The following TENM2 variants were observed in gnomAD, a reference collection of about 807,000 sequenced individuals.
TENM2 encodes teneurin transmembrane protein 2, also known as teneurin-2.
TENM2 carries 52 observed loss-of-function variants against 245.2 expected under a neutral mutation model. The observed-to-expected ratio is 0.21, with a 90% CI of 0.17 to 0.27. The LOEUF is 0.27. TENM2 is among the 10% of genes least tolerant of loss of function. The pLI, the probability that TENM2 is intolerant of heterozygous loss-of-function variation, is 1.00. For missense variants in TENM2, 3,046 were observed against 3,666.8 expected (o/e 0.83, Z 4.37); for synonymous variants, 1,363 against 1,438.9 (o/e 0.95, Z 1.19).
In TENM2 at chr5:167,864,911, G is replaced by A. The variant is rs998100413; in HGVS notation, c.503-11075G>A. 3.3e-5 allele frequency among the ~76,000 whole-genome samples: 5 copies of A among 152,242 alleles called. No individual in the cohort carries two copies. The East Asian group carries it at 5.8e-4, about 18-fold the overall frequency. On this transcript the variant is annotated intron_variant, in intron 2 of 28. Transcript: ENST00000518659. Reference sequence around the variant, plus strand: ...TTATTGTTTCTATATACCAGGAACCGCAAGAAGTGAACATAAAAATGAGTA... The same window carrying A: ...TTATTGTTTCTATATACCAGGAACCACAAGAAGTGAACATAAAAATGAGTA...
chr5:167,997,650 A>T (rs1456810621), intron 5 of TENM2, among the ~76,000 whole-genome samples: 2 of 152,324 alleles, frequency 1.3e-5, no homozygotes, highest in East Asian at 1.9e-4. Flanking sequence ...AATTTTAATT[A>T]TGCCCCCTGG....
At chr5:168,009,827 C>T (rs934544285) in intron 5 of TENM2, among the ~76,000 whole-genome samples, 1 of 152,216 alleles carries the variant, frequency 6.6e-6, no homozygotes, top group African/African-American at 2.4e-5. Context: ...GTGGCAGGAG[C>T]TAAGGCTTGG....
intron 2 of TENM2, among the ~76,000 whole-genome samples, chr5:167,455,428 T>G (rs544728070): frequency 1.1e-4 from 16 of 147,516 alleles, no homozygotes; most frequent in Middle Eastern, 7.0e-3. Flanking sequence ...TGGCCTGGAT[T>G]ATCCCCTTGT....
At chr5:167,458,299 C>G (rs1766045007) in intron 2 of TENM2, among the ~76,000 whole-genome samples, 1 of 145,300 alleles carries the variant, frequency 6.9e-6, no homozygotes, top group Non-Finnish European at 1.6e-5. Flanking sequence ...CCAGCTTGGG[C>G]AACATGGTGA....
intron 7 of TENM2, among the ~76,000 whole-genome samples, chr5:168,063,633 C>A (rs1380415773): frequency 1.3e-5 from 2 of 152,142 alleles, no homozygotes; most frequent in East Asian, 3.9e-4. Context: ...AACCCATTGG[C>A]AAATGCAAGG....
chr5:167,458,411 C>T (rs112282742), intron 2 of TENM2, among the ~76,000 whole-genome samples: 4,001 of 146,942 alleles, frequency 0.027, 217 homozygotes, highest in African/African-American at 0.095. Context: ...CCCTTGAACC[C>T]GGGAGGCACA....
At chr5:167,107,484 T>C in the TENM2 span, among the ~76,000 whole-genome samples, 178 of 152,296 alleles carry the variant, frequency 1.2e-3, 1 homozygote, top group East Asian at 0.018. Flanking sequence ...TTCAGAGGGT[T>C]ATCATTGTAT....
the TENM2 span, among the ~76,000 whole-genome samples, chr5:167,247,902 C>A: frequency 6.6e-6 from 1 of 152,028 alleles, no homozygotes; most frequent in Non-Finnish European, 1.5e-5. Context: ...CTAAATCCAT[C>A]GTATCACAGG....
intron 1 of TENM2, among the ~76,000 whole-genome samples, chr5:167,291,427 T>C (rs1754629316): frequency 6.6e-6 from 1 of 152,218 alleles, no homozygotes; most frequent in African/African-American, 2.4e-5. Flanking sequence ...CATTCTCATA[T>C]ATTGGCTTTA....
intron 4 of TENM2, among the ~76,000 whole-genome samples, chr5:167,974,070 GGAGGAAGGAAGGAAGGA>G (rs1782074142): frequency 1.6e-4 from 2 of 12,568 alleles, no homozygotes; most frequent in African/African-American, 4.4e-4. Flanking sequence ...AGGGAGGGAG[GGAGGAAGGAAGGAAGGA>G]AGGGAAGGAA....
chr5:168,250,295 G>GGA (rs945375774), intron 27 of TENM2, among the ~76,000 whole-genome samples: 7 of 151,990 alleles, frequency 4.6e-5, no homozygotes, highest in African/African-American at 9.7e-5. Flanking sequence ...AGAGAGAAGG[G>GGA]GAGAGAGAGA....
At chr5:167,561,661 A>G (rs1304565595) in intron 2 of TENM2, among the ~76,000 whole-genome samples, 2 of 152,220 alleles carry the variant, frequency 1.3e-5, no homozygotes. Context: ...CTGCAAAAAT[A>G]AGGGTGAGGA....
chr5:167,210,309 G>A, the TENM2 span, among the ~76,000 whole-genome samples: 1 of 152,196 alleles, frequency 6.6e-6, no homozygotes, highest in South Asian at 2.1e-4. Flanking sequence ...GTGAATGAAT[G>A]CATGCGTGAA....
the TENM2 span, among the ~76,000 whole-genome samples, chr5:166,999,344 A>G: frequency 6.6e-6 from 1 of 152,184 alleles, no homozygotes; most frequent in East Asian, 1.9e-4. Context: ...GCACTAAGTA[A>G]ATGGTCCTGC....
chr5:167,698,072 G>A (rs907044743), intron 2 of TENM2, among the ~76,000 whole-genome samples: 1 of 152,102 alleles, frequency 6.6e-6, no homozygotes, highest in Non-Finnish European at 1.5e-5. Flanking sequence ...ATGCCACAGA[G>A]AGAAATTTAT....
At chr5:167,890,377 A>T (rs1007927547) in intron 3 of TENM2, among the ~76,000 whole-genome samples, 1 of 152,170 alleles carries the variant, frequency 6.6e-6, no homozygotes, top group Admixed American at 6.6e-5. Context: ...ATGATATTAA[A>T]TAATAATCAT....
intron 2 of TENM2, among the ~76,000 whole-genome samples, chr5:167,498,838 G>A (rs1369974225): frequency 3.9e-5 from 6 of 152,136 alleles, no homozygotes; most frequent in Non-Finnish European, 8.8e-5. Context: ...GATGATGCGT[G>A]TGGGAGCGGA....
chr5:167,739,094 A>T (rs1479843088), intron 2 of TENM2, among the ~76,000 whole-genome samples: 1 of 152,204 alleles, frequency 6.6e-6, no homozygotes, highest in East Asian at 1.9e-4. Flanking sequence ...AGTTAAAGTT[A>T]TTCCTTGCAA....
At chr5:168,059,340 C>T (rs1449971210) in intron 6 of TENM2, among the ~76,000 whole-genome samples, 4 of 152,200 alleles carry the variant, frequency 2.6e-5, no homozygotes, top group Non-Finnish European at 5.9e-5. Flanking sequence ...TTAGAACACT[C>T]GTGGGTGCTG....
Sources: allele counts gnomAD v4.1 joint callset (sites outside exome capture counted in the v4.1 genomes callset), GRCh38; gene constraint gnomAD v4.1.1; transcripts MANE v1.5; gene names NCBI Gene and HGNC (gene_info 2026-07-23, HGNC 2026-07-21).